Variants in KCNAB1 observed in about 807,000 individuals in gnomAD.
KCNAB1 encodes the protein potassium voltage-gated channel subfamily A regulatory beta subunit 1.
KCNAB1 carries 35 observed loss-of-function variants against 64.6 expected under a neutral mutation model. The ratio of observed to expected loss-of-function variants is 0.54; its 90% CI spans 0.41 to 0.72. The LOEUF is 0.72. KCNAB1 is among the 30% of genes least tolerant of loss of function. The pLI, the probability that KCNAB1 is intolerant of heterozygous loss-of-function variation, is 0.00. For missense variants in KCNAB1, 401 were observed against 512.9 expected, an observed-to-expected ratio of 0.78 and a Z score of 2.11; for synonymous variants, 177 against 183.8, an observed-to-expected ratio of 0.96 and a Z score of 0.30.
At chr3:156,436,169 G>A (rs931757697) in intron 2 of KCNAB1, among the ~76,000 whole-genome samples, 39 of 152,258 alleles carry the variant, frequency 2.6e-4, no homozygotes, top group African/African-American at 9.4e-4. Flanking sequence ...AACATGTGGT[G>A]TTTGGTTTTC....
intron 1 of KCNAB1, among the ~76,000 whole-genome samples, chr3:156,158,260 A>G (rs891187145): frequency 6.6e-6 from 1 of 151,584 alleles, no homozygotes; most frequent in African/African-American, 2.4e-5. Flanking sequence ...TTTAACATTA[A>G]TTCTATTAGA....
At chr3:156,268,578 A>T (rs184790891) in intron 1 of KCNAB1, among the ~76,000 whole-genome samples, 132 of 152,212 alleles carry the variant, frequency 8.7e-4, no homozygotes, top group African/African-American at 3.2e-3. Context: ...CTGGGGTGAG[A>T]TGATATCTCG....
chr3:156,505,185 G>T (rs1716752833), intron 8 of KCNAB1, among the ~76,000 whole-genome samples: 1 of 152,098 alleles, frequency 6.6e-6, no homozygotes, highest in African/African-American at 2.4e-5. Flanking sequence ...CCCAGTGAAT[G>T]TTCCTGGAAC....
At chr3:156,295,133 T>C (rs1720695247) in intron 1 of KCNAB1, among the ~76,000 whole-genome samples, 1 of 151,236 alleles carries the variant, frequency 6.6e-6, no homozygotes, top group Admixed American at 6.6e-5. Context: ...TATGAAGTTA[T>C]TTTTTTTTGG....
intron 1 of KCNAB1, among the ~76,000 whole-genome samples, chr3:156,403,824 A>G (rs928227541): frequency 4.6e-5 from 7 of 151,428 alleles, no homozygotes; most frequent in African/African-American, 1.7e-4. Flanking sequence ...AACCCTGGAG[A>G]TGGAGGTTGC....
chr3:156,246,514 A>T (rs1717461167), intron 1 of KCNAB1, among the ~76,000 whole-genome samples: 1 of 152,058 alleles, frequency 6.6e-6, no homozygotes, highest in Non-Finnish European at 1.5e-5. Flanking sequence ...GAAGCAGGAA[A>T]ATAGCTTGAA....
intron 1 of KCNAB1, among the ~76,000 whole-genome samples, chr3:156,181,332 T>G (rs766424187): frequency 2.0e-5 from 3 of 152,060 alleles, no homozygotes; most frequent in Non-Finnish European, 4.4e-5. Flanking sequence ...TGAAATGCAT[T>G]TGGGGGAGAA....
intron 1 of KCNAB1, among the ~76,000 whole-genome samples, chr3:156,306,120 T>C (rs1347918681): frequency 6.6e-6 from 1 of 152,214 alleles, no homozygotes; most frequent in African/African-American, 2.4e-5. Flanking sequence ...TTGATATTGA[T>C]ACTTACAGGT....
At chr3:156,147,044 A>G (rs887947496) in intron 1 of KCNAB1, among the ~76,000 whole-genome samples, 1 of 152,244 alleles carries the variant, frequency 6.6e-6, no homozygotes, top group Non-Finnish European at 1.5e-5. Flanking sequence ...CAAAGAAGAT[A>G]GAAAAAACAG....
At chr3:156,261,280 A>G (rs1423580923) in intron 1 of KCNAB1, among the ~76,000 whole-genome samples, 3 of 151,712 alleles carry the variant, frequency 2.0e-5, no homozygotes, top group Non-Finnish European at 2.9e-5. Context: ...TTTCTTTTAT[A>G]TATTTTCTTT....
intron 1 of KCNAB1, among the ~76,000 whole-genome samples, chr3:156,320,314 C>T (rs937530019): frequency 2.0e-5 from 3 of 152,174 alleles, no homozygotes; most frequent in African/African-American, 7.2e-5. Context: ...CAAAGGCTTA[C>T]TTGTTTCTGT....
At chr3:156,453,900 T>G (rs1712198479) in intron 3 of KCNAB1, among the ~76,000 whole-genome samples, 1 of 152,144 alleles carries the variant, frequency 6.6e-6, no homozygotes, top group Non-Finnish European at 1.5e-5. Context: ...GGATGGTGGT[T>G]AAGATTAATG....
At chr3:156,366,921 G>A (rs894080925) in intron 1 of KCNAB1, among the ~76,000 whole-genome samples, 22 of 152,192 alleles carry the variant, frequency 1.4e-4, no homozygotes, top group African/African-American at 5.1e-4. Flanking sequence ...AATATTAGCT[G>A]CTGAGAATAG....
intron 1 of KCNAB1, among the ~76,000 whole-genome samples, chr3:156,214,800 C>T (rs1247797793): frequency 1.3e-5 from 2 of 152,210 alleles, no homozygotes; most frequent in African/African-American, 4.8e-5. Context: ...CATGTCTTCC[C>T]AGTGAGTGTA....
At chr3:156,406,738 C>T (rs922938642) in intron 1 of KCNAB1, among the ~76,000 whole-genome samples, 11 of 152,018 alleles carry the variant, frequency 7.2e-5, no homozygotes, top group African/African-American at 2.4e-4. Flanking sequence ...AGAGATAGAA[C>T]CTGAGAACTG....
chr3:156,236,391 C>T (rs1716852524), intron 1 of KCNAB1, among the ~76,000 whole-genome samples: 1 of 152,140 alleles, frequency 6.6e-6, no homozygotes, highest in Non-Finnish European at 1.5e-5. Flanking sequence ...AACATGGATT[C>T]TGAAGCTCAA....
intron 8 of KCNAB1, among the ~76,000 whole-genome samples, chr3:156,495,734 T>C (rs949146497): frequency 1.3e-5 from 2 of 152,162 alleles, no homozygotes; most frequent in African/African-American, 4.8e-5. Flanking sequence ...TCTATCATAT[T>C]GCTGTGAGGA....
intron 1 of KCNAB1, among the ~76,000 whole-genome samples, chr3:156,339,499 G>A (rs771092048): frequency 2.2e-4 from 34 of 152,170 alleles, no homozygotes; most frequent in Non-Finnish European, 4.3e-4. Flanking sequence ...TCTGTCCAAA[G>A]GTGACAAGTT....
At chr3:156,332,489 G>A (rs1723407325) in intron 1 of KCNAB1, among the ~76,000 whole-genome samples, 1 of 152,120 alleles carries the variant, frequency 6.6e-6, no homozygotes, top group Non-Finnish European at 1.5e-5. Context: ...AGTGCTCCCT[G>A]CCTAGTGTAG....
Sources: gnomAD v4.1 joint callset for allele counts (sites outside exome capture counted in the v4.1 genomes callset) on GRCh38, gnomAD v4.1.1 for gene constraint, MANE v1.5 for transcripts, NCBI Gene and HGNC (gene_info 2026-07-23, HGNC 2026-07-21) for gene names.